MAP4K2: variants seen among roughly 807,000 people sequenced by gnomAD.
MAP4K2 encodes B lymphocyte serine/threonine protein kinase.
Under a neutral mutation model 125.3 loss-of-function variants are expected in MAP4K2, and 85 were observed. The ratio of observed to expected loss-of-function variants is 0.68; its 90% CI spans 0.57 to 0.81. The LOEUF (loss-of-function observed/expected upper bound fraction) is 0.81. MAP4K2 is among the 40% of genes least tolerant of loss of function. MAP4K2 has a pLI of 0.00. For missense variants in MAP4K2, 923 were observed against 1,056.4 expected (o/e 0.87, Z 1.75); for synonymous variants, 479 against 445.1 (o/e 1.08, Z -0.96).
chr11:64,799,580 C>T (rs764376757), intron 13 of MAP4K2, 25 bp downstream of exon 13: 1 of 1,613,720 alleles, frequency 6.2e-7, no homozygotes, highest in East Asian at 2.2e-5. Context: ...AATCTGCACA[C>T]ACACAGCCCC....
chr11:64,800,741 C>A, intron 10 of MAP4K2, 23 bp downstream of exon 10: 2 of 1,586,474 alleles, frequency 1.3e-6, no homozygotes, highest in Non-Finnish European at 1.7e-6. Flanking sequence ...AAGGGGGTCC[C>A]GGCAGCAGGG....
intron 24 of MAP4K2, among the ~76,000 whole-genome samples, chr11:64,795,899 G>T (rs1463292723): frequency 6.6e-6 from 1 of 151,660 alleles, no homozygotes; most frequent in Non-Finnish European, 1.5e-5. Flanking sequence ...ATCCTTGAAA[G>T]CAAGGACTTG....
Position 64,786,982 on chromosome 11 carries a change from G to A in MAP4K2, c.*2555C>T, listed in dbSNP as rs914844470. On this transcript the variant is annotated 3_prime_UTR_variant, in exon 32 of 32. Transcript: ENST00000294066. ...ATATACATATCTTTTCAGGGTGCAT[G>A]TGATAATTTAATACATTCATATTCT... is the stretch of plus-strand genomic sequence containing the variant. The A allele has an allele frequency of 4.0e-5, 6 of 150,316 alleles. No individual in the cohort carries two copies. The highest frequency in any genetic ancestry group is 1.5e-4 in the African/African-American group (6 of 40,882). The allele number at this position is 150,316 out of a possible 1,614,324, so 9.3% of individuals were successfully genotyped here.
At position 64,799,830 on chromosome 11, in the gene MAP4K2, A is replaced by G. The variant is rs1941053605; in HGVS notation, c.916-147T>C. ...AATAAAATGGAACCCCACTTCACAGATGAGAGAACCCACACAGAGCAGTGC... is the reference window on the plus strand; with the variant it reads ...AATAAAATGGAACCCCACTTCACAGGTGAGAGAACCCACACAGAGCAGTGC... On this transcript the variant is annotated intron_variant, in intron 12 of 31. Coordinates refer to ENST00000294066, the MANE Select transcript of MAP4K2 (RefSeq NM_004579.5). 3 of 679,712 alleles carry G rather than the reference A, an allele frequency of 4.4e-6. No homozygotes were observed. The East Asian group carries it at 8.1e-5, about 18-fold the overall frequency. 42.1% of individuals were successfully genotyped at this position (679,712 alleles called of 1,614,324 possible). A position where few individuals can be genotyped will look rare whatever the true frequency, so the allele number is the denominator to read the frequency against.
At chr11:64,799,116 GAC>G (rs1941004019) in intron 14 of MAP4K2, among the ~76,000 whole-genome samples, 2 of 152,208 alleles carry the variant, frequency 1.3e-5, no homozygotes, top group African/African-American at 4.8e-5. Context: ...GACCACTGGG[GAC>G]ACACAGGTGG....
Position 64,800,831 on chromosome 11 carries a change from G to C in MAP4K2, c.663-5C>G. The C allele has an allele frequency of 6.2e-7, 1 of 1,613,070 alleles. No individual in the cohort carries two copies. On this transcript the variant is annotated splice_region_variant and splice_polypyrimidine_tract_variant and intron_variant, in intron 9 of 31. Transcript: ENST00000294066. ...TTCGACATGAGCATCAGGGCCCTGT[G>C]GAGGGCGCGAGGTCAGGGGCCACAG...
Position 64,802,583 on chromosome 11 carries a change from G to A in MAP4K2, c.225C>T (p.Ala75=), listed in dbSNP as rs1388467182. Residue 75 remains alanine, a synonymous_variant, in exon 3 of 32, where the codon GCC becomes GCT. Transcript: ENST00000294066. ...CTCACCTGAGGTAGCTGCCAATGTA[G>A]GCCACCACATTGGGGTGGCGGCACT... ...LRECRHPNVV[A]YIGSYLRNDR... is the part of the protein sequence containing the mutation. The A allele has an allele frequency of 1.2e-6, 2 of 1,610,748 alleles. No individual in the cohort carries two copies. The highest frequency in any genetic ancestry group is 1.7e-6 in the Non-Finnish European group (2 of 1,178,708).
chr11:64,800,383 A>C lies in MAP4K2; in HGVS notation c.735T>G (p.Asn245Lys). 1 of 1,614,044 alleles carries C rather than the reference A, an allele frequency of 6.2e-7. No homozygotes were observed. The change falls in exon 11 of 32, where the codon AAT (asparagine) becomes AAG (lysine). Residue 245 changes from asparagine (N) to lysine (K), a missense_variant. Physicochemically the swap from Asn to Lys is moderately conservative, Grantham distance 94. Coordinates refer to ENST00000294066, the MANE Select transcript of MAP4K2 (RefSeq NM_004579.5). ...KLRDKTRWTQNFHHFLKLALT... is the reference protein window; with the variant it reads ...KLRDKTRWTQKFHHFLKLALT... ...GGGCCAGTTTGAGAAAGTGGTGGAAATTCTGGGTCCTAGAAGGCACAAGAG... is the reference window on the plus strand; with the variant it reads ...GGGCCAGTTTGAGAAAGTGGTGGAACTTCTGGGTCCTAGAAGGCACAAGAG...
intron 24 of MAP4K2, among the ~76,000 whole-genome samples, chr11:64,795,958 TCC>T: frequency 6.6e-6 from 1 of 152,304 alleles, no homozygotes; most frequent in East Asian, 1.9e-4. Context: ...ATTCTCCATG[TCC>T]CGAAGCCCAG....
chr11:64,801,004 C>G lies in MAP4K2; in HGVS notation c.558G>C (p.Glu186Asp), dbSNP rs564999533. The G allele has an allele frequency of 6.2e-7, 1 of 1,613,962 alleles. No homozygotes were observed. Among genetic ancestry groups the G allele is most frequent in the African/African-American group, 1.3e-5 (1 of 75,044 alleles). The change falls in exon 9 of 32, where the codon GAG becomes GAC. Residue 186 changes from glutamate to aspartate, a missense_variant. Coordinates refer to ENST00000294066, the MANE Select transcript of MAP4K2 (RefSeq NM_004579.5). ...ATAGCTCATTGTAGCCACCTTTGCG[C>G]TCCACAGCAGCCACCTCGGGAGCCA... The part of the protein sequence containing the change: ...YWMAPEVAAV[E>D]RKGGYNELCD...
Position 64,799,507 on chromosome 11 carries a change from G to A in MAP4K2, c.995-28C>T, listed in dbSNP as rs772750021. The A allele has an allele frequency of 1.5e-5, 24 of 1,611,534 alleles. No homozygotes were observed. In the Admixed American group the frequency reaches 3.7e-4, roughly 25 times the overall value. On this transcript the variant is annotated intron_variant, in intron 13 of 31. Transcript: ENST00000294066. ...GGGGGGCCCAGAGTACAAGAGTGAA[G>A]GAGCTGGAGTCTCAGGATGGACCTC...
intron 14 of MAP4K2, 87 bp from the exon 15 acceptor site, chr11:64,798,924 C>CAG: frequency 1.0e-6 from 1 of 991,298 alleles, no homozygotes; most frequent in Non-Finnish European, 1.5e-6. Context: ...AAAGGAAAGA[C>CAG]AGACAGACAG....
chr11:64,800,225 T>C lies in MAP4K2; in HGVS notation c.808-9A>G. On this transcript the variant is annotated splice_polypyrimidine_tract_variant and intron_variant, in intron 11 of 31. Transcript: ENST00000294066. The stretch of plus-strand genomic sequence containing the variant: ...TGAGTCGTGAACGGGTGCTGGAAAG[T>C]GGGGGAGGGGGGTGATCAGGTTGGC... The C allele has an allele frequency of 6.2e-7, 1 of 1,612,418 alleles. No individual in the cohort carries two copies. The highest frequency in any genetic ancestry group is 8.5e-7 in the Non-Finnish European group (1 of 1,179,734).
chr11:64,790,067 G>A, intron 29 of MAP4K2, 108 bp from the exon 30 acceptor site: 1 of 1,531,734 alleles, frequency 6.5e-7, no homozygotes, highest in Non-Finnish European at 9.0e-7. Context: ...CAGGTGACCA[G>A]GATGGCTCAG....
At chr11:64,794,269 G>A (rs1418819399) in intron 24 of MAP4K2, among the ~76,000 whole-genome samples, 1 of 152,180 alleles carries the variant, frequency 6.6e-6, no homozygotes, top group Non-Finnish European at 1.5e-5. Context: ...AAAAACCTTG[G>A]AGCCATCCTT....
chr11:64,789,539 A>G lies in MAP4K2; in HGVS notation c.2461T>C (p.Ter821GlnextTer44). ...GCCCCTGGACAGGCCCGCTGCTCTT[A>G]GTAGGTGCTCTGGTGGCCCGTGAGG... is the stretch of plus-strand genomic sequence containing the variant. Reference protein sequence around the residue: ...YILTGHQSTY* With the variant: ...YILTGHQSTYQ The change falls in exon 32 of 32, where the codon TAA becomes CAA. Residue 821 changes from the stop codon to glutamine, a stop_lost. Coordinates refer to ENST00000294066, the MANE Select transcript of MAP4K2 (RefSeq NM_004579.5). 6.3e-7 allele frequency: 1 copy of G among 1,579,554 alleles called. No homozygotes were observed. Among genetic ancestry groups the G allele is most frequent in the Non-Finnish European group, 8.6e-7 (1 of 1,162,178 alleles).
rs1332498799 is a variant in MAP4K2 at position 64,790,378 on chromosome 11, C to T, written c.2161+16G>A. 1 of 1,613,800 alleles carries T rather than the reference C, an allele frequency of 6.2e-7. No individual in the cohort carries two copies. The highest frequency in any genetic ancestry group is 2.2e-5 in the East Asian group (1 of 44,878). On this transcript the variant is annotated intron_variant, in intron 28 of 31. Transcript: ENST00000294066. Reference sequence around the variant, plus strand: ...CCATAGTCCCCTGCCCTAAGCCCTGCCCCCAGGGCACTCACGTTCAAAGCT... The same window carrying T: ...CCATAGTCCCCTGCCCTAAGCCCTGTCCCCAGGGCACTCACGTTCAAAGCT...
chr11:64,801,241 C>T, intron 7 of MAP4K2, 58 bp from the exon 8 acceptor site: 7 of 1,577,718 alleles, frequency 4.4e-6, no homozygotes, highest in South Asian at 3.4e-5. Flanking sequence ...CCCTCCCACG[C>T]CCAGGGCTCT....
At chr11:64,802,733 A>C in intron 2 of MAP4K2, 80 bp from the exon 3 acceptor site, 1 of 1,492,310 alleles carries the variant, frequency 6.7e-7, no homozygotes, top group Non-Finnish European at 9.2e-7. Flanking sequence ...ATGGGCACAG[A>C]GTGCCTCCCT....
Sources: gnomAD v4.1 joint callset for allele counts (sites outside exome capture counted in the v4.1 genomes callset) on GRCh38, gnomAD v4.1.1 for gene constraint, MANE v1.5 for transcripts, NCBI Gene and HGNC (gene_info 2026-07-23, HGNC 2026-07-21) for gene names.